Variants in SNW1 observed in about 807,000 individuals in gnomAD.
SNW1 encodes the protein SNW domain-containing protein 1.
Under a neutral mutation model 75.6 loss-of-function variants are expected in SNW1, and 9 were observed. The ratio of observed to expected loss-of-function variants is 0.12; its 90% CI spans 0.07 to 0.21. The LOEUF is 0.21. Ranked by LOEUF, SNW1 falls within the 10% of genes least tolerant of loss-of-function variation. The probability of loss-of-function intolerance (pLI) is 1.00; values close to 1 mark genes in which losing one functional copy is unlikely to be tolerated. For missense variants in SNW1, 409 were observed against 670.9 expected, an observed-to-expected ratio of 0.61 and a Z score of 4.31; for synonymous variants, 200 against 219.1, an observed-to-expected ratio of 0.91 and a Z score of 0.77.
Position 77,737,040 on chromosome 14 carries a change from G to C in SNW1, c.569C>G (p.Ser190Cys). Reference protein sequence around the residue: ...TPSQQGVAFNSGAKQRVIRMV... With the variant: ...TPSQQGVAFNCGAKQRVIRMV... ...CCGAATAACCCTCTGTTTAGCTCCA[G>C]AGTTGAATGCCACTCCTTGCTGAGA... The change falls in exon 6 of 14, where the codon TCT becomes TGT. Residue 190 changes from serine to cysteine, a missense_variant. By Grantham distance (112) the Ser-to-Cys change is moderately radical. Coordinates refer to ENST00000261531, the MANE Select transcript of SNW1 (RefSeq NM_012245.3). 6.2e-7 allele frequency: 1 copy of C among 1,613,822 alleles called. No individual in the cohort carries two copies. The highest frequency in any genetic ancestry group is 8.5e-7 in the Non-Finnish European group (1 of 1,179,824).
At chr14:77,748,906 A>T (rs564061155) in intron 3 of SNW1, among the ~76,000 whole-genome samples, 28 of 152,202 alleles carry the variant, frequency 1.8e-4, no homozygotes, top group Middle Eastern at 3.4e-3. Flanking sequence ...AATTTTTTTT[A>T]AAAAAATCAA....
intron 10 of SNW1, among the ~76,000 whole-genome samples, chr14:77,727,608 T>G (rs2080595811): frequency 6.6e-6 from 1 of 152,200 alleles, no homozygotes; most frequent in African/African-American, 2.4e-5. Flanking sequence ...GGATGTTGAA[T>G]TTTTTCAAAT....
intron 9 of SNW1, 107 bp from the exon 10 acceptor site, chr14:77,731,236 C>G (rs562214000): frequency 7.4e-6 from 9 of 1,221,914 alleles, no homozygotes; most frequent in Non-Finnish European, 1.0e-5. Context: ...ATACAGAATT[C>G]AGATTTGTTA....
At chr14:77,740,375 A>T (rs1016418778) in intron 3 of SNW1, among the ~76,000 whole-genome samples, 3 of 152,172 alleles carry the variant, frequency 2.0e-5, no homozygotes, top group Non-Finnish European at 2.9e-5. Flanking sequence ...ATCATTCATT[A>T]AAAAAGTTTA....
chr14:77,717,600 T>G lies in SNW1; in HGVS notation c.*488A>C. The G allele has an allele frequency of 6.4e-7, 1 of 1,554,386 alleles. No individual in the cohort carries two copies. On this transcript the variant is annotated 3_prime_UTR_variant, in exon 14 of 14. Coordinates refer to ENST00000261531, the MANE Select transcript of SNW1 (RefSeq NM_012245.3). ...TAATAAAGTTAACATAACTGAGAAT[T>G]TTGTCTAAATGTTTTTATTTGAAAC... is the stretch of plus-strand genomic sequence containing the variant.
chr14:77,751,864 A>C (rs540706697), intron 2 of SNW1, among the ~76,000 whole-genome samples: 67 of 148,906 alleles, frequency 4.5e-4, no homozygotes, highest in African/African-American at 1.6e-3. Flanking sequence ...CACACACACA[A>C]AGCATTTTCT....
At chr14:77,741,258 A>C (rs1271130072) in intron 3 of SNW1, among the ~76,000 whole-genome samples, 2 of 152,132 alleles carry the variant, frequency 1.3e-5, no homozygotes, top group African/African-American at 4.8e-5. Flanking sequence ...TCACGCCTGT[A>C]ATCACAGCAT....
intron 1 of SNW1, among the ~76,000 whole-genome samples, chr14:77,758,291 C>T (rs1255836154): frequency 1.7e-5 from 2 of 118,014 alleles, no homozygotes; most frequent in East Asian, 2.6e-4. Flanking sequence ...GCACTCCAGC[C>T]TGGGTGAGAG....
intron 7 of SNW1, among the ~76,000 whole-genome samples, chr14:77,735,567 GC>G (rs1393133052): frequency 6.6e-6 from 1 of 152,194 alleles, no homozygotes; most frequent in Non-Finnish European, 1.5e-5. Flanking sequence ...ACAGGCGTGA[GC>G]CACCACGCCC....
chr14:77,736,548 C>CAAAAAAAA (rs11441542), intron 6 of SNW1, among the ~76,000 whole-genome samples: 36 of 141,488 alleles, frequency 2.5e-4, no homozygotes, highest in African/African-American at 3.4e-4. Context: ...GACTGTCTCT[C>CAAAAAAAA]AAAAAACAAA....
In SNW1 at chr14:77,717,636, A is replaced by G; in HGVS notation, c.*452T>C. On this transcript the variant is annotated 3_prime_UTR_variant, in exon 14 of 14. Transcript: ENST00000261531. ...GTTTTTATTTGAAACAAATAGTTGCACCAAGCAAGAGGTTACTTTGCCCAC... is the reference window on the plus strand; with the variant it reads ...GTTTTTATTTGAAACAAATAGTTGCGCCAAGCAAGAGGTTACTTTGCCCAC... 7.0e-7 allele frequency: 1 copy of G among 1,433,444 alleles called. No individual in the cohort carries two copies. Among genetic ancestry groups the G allele is most frequent in the Non-Finnish European group, 9.7e-7 (1 of 1,027,060 alleles). The allele number at this position is 1,433,444 out of a possible 1,614,324, so 88.8% of individuals were successfully genotyped here.
chr14:77,734,920 T>C (rs1566830117), intron 8 of SNW1, 27 bp downstream of exon 8: 3 of 1,508,932 alleles, frequency 2.0e-6, no homozygotes, highest in Non-Finnish European at 1.8e-6. Context: ...GTTATACTAA[T>C]AGAGACTGAT....
intron 12 of SNW1, among the ~76,000 whole-genome samples, chr14:77,719,389 G>A (rs1485646390): frequency 6.6e-6 from 1 of 152,136 alleles, no homozygotes; most frequent in Non-Finnish European, 1.5e-5. Context: ...TGTAATCCCA[G>A]CACTTTGGGA....
At chr14:77,747,583 G>C (rs1465187687) in intron 3 of SNW1, among the ~76,000 whole-genome samples, 1 of 152,056 alleles carries the variant, frequency 6.6e-6, no homozygotes, top group African/African-American at 2.4e-5. Flanking sequence ...TGTCTGGGAG[G>C]TGAGGAGCGT....
intron 1 of SNW1, among the ~76,000 whole-genome samples, chr14:77,757,603 T>C (rs1408680835): frequency 3.9e-5 from 6 of 152,192 alleles, no homozygotes; most frequent in Non-Finnish European, 7.3e-5. Context: ...CCTGTCTCTA[T>C]GCTCCCCCAA....
intron 12 of SNW1, among the ~76,000 whole-genome samples, chr14:77,719,074 C>A (rs1595071016): frequency 6.6e-6 from 1 of 152,066 alleles, no homozygotes; most frequent in African/African-American, 2.4e-5. Flanking sequence ...CCACCATGTC[C>A]AGCTAATTTT....
At chr14:77,730,073 T>C (rs2080616958) in intron 10 of SNW1, among the ~76,000 whole-genome samples, 1 of 152,190 alleles carries the variant, frequency 6.6e-6, no homozygotes, top group South Asian at 2.1e-4. Context: ...TTCAGAGCCA[T>C]GTACTTGCTG....
At chr14:77,739,168 G>A in intron 3 of SNW1, 107 bp from the exon 4 acceptor site, 2 of 762,336 alleles carry the variant, frequency 2.6e-6, no homozygotes, top group South Asian at 3.2e-5. Flanking sequence ...TAAAAATTTA[G>A]GACACTCAGA....
intron 7 of SNW1, among the ~76,000 whole-genome samples, chr14:77,735,457 T>C: frequency 6.6e-6 from 1 of 152,140 alleles, no homozygotes; most frequent in Non-Finnish European, 1.5e-5. Flanking sequence ...AGCTAATTTT[T>C]TTTAAAGTAA....
Sources: allele counts gnomAD v4.1 joint callset (sites outside exome capture counted in the v4.1 genomes callset), GRCh38; gene constraint gnomAD v4.1.1; transcripts MANE v1.5; gene names NCBI Gene and HGNC (gene_info 2026-07-23, HGNC 2026-07-21).